KIAA1217: variants seen among roughly 807,000 people sequenced by gnomAD.
KIAA1217 encodes KIAA1217, also known as sickle tail protein homolog.
KIAA1217 carries 88 observed loss-of-function variants against 163.9 expected under a neutral mutation model. The observed-to-expected ratio is 0.54, with a 90% CI of 0.45 to 0.64. The LOEUF is 0.64. Among genes scored for constraint, KIAA1217 ranks in the 30% least tolerant of loss-of-function variants. KIAA1217 has a pLI of 0.00. For synonymous variants in KIAA1217, 903 were observed against 923.1 expected, an observed-to-expected ratio of 0.98 and a Z score of 0.39; for missense variants, 2,372 against 2,475.0, an observed-to-expected ratio of 0.96 and a Z score of 0.88.
chr10:24,066,044 A>G (rs1270905155), intron 2 of KIAA1217, among the ~76,000 whole-genome samples: 3 of 152,040 alleles, frequency 2.0e-5, no homozygotes, highest in Non-Finnish European at 2.9e-5. Flanking sequence ...GTCTCTGCAC[A>G]TGAGATGGTT....
intron 1 of KIAA1217, among the ~76,000 whole-genome samples, chr10:23,897,444 T>C (rs980172260): frequency 3.3e-5 from 5 of 152,084 alleles, no homozygotes; most frequent in Admixed American, 6.6e-5. Context: ...TCTGGCTTTG[T>C]TGGTGTTCAC....
intron 2 of KIAA1217, among the ~76,000 whole-genome samples, chr10:24,324,892 C>G (rs2044663766): frequency 6.6e-6 from 1 of 152,178 alleles, no homozygotes; most frequent in Admixed American, 6.5e-5. Context: ...AATCTTGCCC[C>G]TATTCAGCGA....
At chr10:24,253,683 G>T (rs909566658) in intron 2 of KIAA1217, among the ~76,000 whole-genome samples, 4 of 151,544 alleles carry the variant, frequency 2.6e-5, no homozygotes, top group African/African-American at 9.7e-5. Flanking sequence ...AGTGAGCCAA[G>T]ATTGTGCCAC....
At chr10:24,437,906 C>CAAAAAAAAAAAAAAAAA (rs58645832) in intron 4 of KIAA1217, among the ~76,000 whole-genome samples, 1 of 63,692 alleles carries the variant, frequency 1.6e-5, no homozygotes, top group Non-Finnish European at 2.8e-5. Context: ...TGTTTGAAGG[C>CAAAAAAAAAAAAAAAAA]AAAAAAAAAA....
chr10:23,929,848 A>G (rs1459629471), intron 1 of KIAA1217, among the ~76,000 whole-genome samples: 3 of 152,214 alleles, frequency 2.0e-5, no homozygotes, highest in East Asian at 1.9e-4. Flanking sequence ...GTCAGATGGT[A>G]GTTCTGTTTT....
intron 2 of KIAA1217, among the ~76,000 whole-genome samples, chr10:24,128,102 G>A (rs1252963988): frequency 2.0e-5 from 3 of 152,144 alleles, no homozygotes; most frequent in Non-Finnish European, 4.4e-5. Flanking sequence ...TTCTGTGTTT[G>A]GATTGAGGCG....
intron 2 of KIAA1217, among the ~76,000 whole-genome samples, chr10:24,035,163 G>A (rs1848341134): frequency 6.6e-6 from 1 of 152,112 alleles, no homozygotes; most frequent in African/African-American, 2.4e-5. Flanking sequence ...GTGAGTTTCT[G>A]GGCCTCTGAG....
chr10:23,760,648 T>C (rs1834212393), intron 1 of KIAA1217, among the ~76,000 whole-genome samples: 1 of 152,120 alleles, frequency 6.6e-6, no homozygotes, highest in Non-Finnish European at 1.5e-5. Context: ...AAAAGGTTAA[T>C]AGTAAGAACA....
rs2075367004 is a variant in KIAA1217 at position 24,543,635 on chromosome 10, T to C, written c.4365T>C (p.Ser1455=). The C allele has an allele frequency of 6.2e-7, 1 of 1,614,160 alleles. No homozygotes were observed. The highest frequency in any genetic ancestry group is 8.5e-7 in the Non-Finnish European group (1 of 1,180,024). Residue 1455 remains serine (S), a synonymous_variant, in exon 19 of 21, where the codon TCT becomes TCC. Transcript: ENST00000376454. ...TCGATGAGCCCATGGACATCCGGTC[T>C]GCCTATAAGAGACTTTCAACTATCT... ...IIFDEPMDIR[S]AYKRLSTIFE...
intron 1 of KIAA1217, among the ~76,000 whole-genome samples, chr10:23,952,889 A>G (rs1844402321): frequency 1.3e-5 from 2 of 152,238 alleles, no homozygotes; most frequent in African/African-American, 4.8e-5. Flanking sequence ...GACTTGGCTC[A>G]GATGGTGTAG....
intron 2 of KIAA1217, among the ~76,000 whole-genome samples, chr10:24,287,650 A>G (rs755926816): frequency 3.3e-5 from 5 of 152,216 alleles, no homozygotes; most frequent in Non-Finnish European, 5.9e-5. Context: ...CAAAGAAATT[A>G]GTTAATAAGA....
At chr10:24,168,667 C>T (rs1352142390) in intron 2 of KIAA1217, among the ~76,000 whole-genome samples, 17 of 152,166 alleles carry the variant, frequency 1.1e-4, no homozygotes, top group Admixed American at 1.1e-3. Context: ...GATTTCCTGA[C>T]ACTCCCCAGA....
chr10:23,736,062 C>T (rs891589987), intron 1 of KIAA1217, among the ~76,000 whole-genome samples: 2 of 152,340 alleles, frequency 1.3e-5, no homozygotes, highest in East Asian at 1.9e-4. Context: ...TGCCAGCTGG[C>T]AGTGTATGAG....
At chr10:23,942,000 C>A (rs554234446) in intron 1 of KIAA1217, among the ~76,000 whole-genome samples, 5 of 152,272 alleles carry the variant, frequency 3.3e-5, no homozygotes, top group African/African-American at 1.2e-4. Context: ...CAAAGATCTA[C>A]ACCGCACAGA....
intron 3 of KIAA1217, among the ~76,000 whole-genome samples, chr10:24,382,086 G>T (rs1217098439): frequency 6.7e-6 from 1 of 149,558 alleles, no homozygotes; most frequent in East Asian, 2.0e-4. Context: ...TTTTTTTGGC[G>T]CTTTAACAAA....
intron 2 of KIAA1217, among the ~76,000 whole-genome samples, chr10:24,067,174 C>T (rs1015242871): frequency 2.0e-4 from 31 of 152,158 alleles, no homozygotes; most frequent in African/African-American, 5.3e-4. Flanking sequence ...AGCTTTGTTC[C>T]GTTGCTGGTG....
chr10:23,780,774 A>G (rs757248187), intron 1 of KIAA1217, among the ~76,000 whole-genome samples: 2 of 152,284 alleles, frequency 1.3e-5, no homozygotes, highest in Non-Finnish European at 2.9e-5. Context: ...TCCGCCTCCC[A>G]GGTTCAAGTG....
intron 2 of KIAA1217, among the ~76,000 whole-genome samples, chr10:24,242,631 G>C (rs561046639): frequency 1.8e-4 from 27 of 152,202 alleles, no homozygotes; most frequent in African/African-American, 5.8e-4. Context: ...GAGTCAAATG[G>C]TAGTTCTGTT....
chr10:24,440,778 A>G (rs2060435819), intron 5 of KIAA1217, among the ~76,000 whole-genome samples: 1 of 152,234 alleles, frequency 6.6e-6, no homozygotes, highest in African/African-American at 2.4e-5. Flanking sequence ...TCTAACCAGC[A>G]GAAAAGCTTT....
Sources: gnomAD v4.1 joint callset for allele counts (sites outside exome capture counted in the v4.1 genomes callset) on GRCh38, gnomAD v4.1.1 for gene constraint, MANE v1.5 for transcripts, NCBI Gene and HGNC (gene_info 2026-07-23, HGNC 2026-07-21) for gene names.